The following AHCTF1 variants were observed in gnomAD, a reference collection of about 807,000 sequenced individuals.
AHCTF1 encodes AT-hook containing transcription factor 1.
AHCTF1 carries 24 observed loss-of-function variants against 248.4 expected under a neutral mutation model. The ratio of observed to expected loss-of-function variants is 0.10; its 90% CI spans 0.07 to 0.14. AHCTF1 has a LOEUF of 0.14. AHCTF1 is among the 10% of genes least tolerant of loss of function. The pLI, the probability that AHCTF1 is intolerant of heterozygous loss-of-function variation, is 1.00. For synonymous variants in AHCTF1, 786 were observed against 929.8 expected, an observed-to-expected ratio of 0.85 and a Z score of 2.81; for missense variants, 2,206 against 2,636.2, an observed-to-expected ratio of 0.84 and a Z score of 3.57.
At chr1:246,920,422 G>A (rs1666457852) in intron 1 of AHCTF1, among the ~76,000 whole-genome samples, 1 of 152,044 alleles carries the variant, frequency 6.6e-6, no homozygotes, top group South Asian at 2.1e-4. Flanking sequence ...AAAATTCAAT[G>A]GAGCAATGAG....
intron 1 of AHCTF1, among the ~76,000 whole-genome samples, chr1:246,922,802 G>T (rs537698570): frequency 6.6e-6 from 1 of 150,966 alleles, no homozygotes; most frequent in African/African-American, 2.4e-5. Flanking sequence ...ATAACACGGT[G>T]AAACCCTGTC....
chr1:246,915,627 G>A (rs544917646), intron 3 of AHCTF1, among the ~76,000 whole-genome samples: 2 of 152,116 alleles, frequency 1.3e-5, no homozygotes, highest in African/African-American at 2.4e-5. Context: ...TTATTCATTT[G>A]TCTTCTCCCA....
intron 29 of AHCTF1, 144 bp from the exon 30 acceptor site, chr1:246,857,958 T>TTTC (rs201150652): frequency 0.19 from 68,561 of 355,894 alleles, 176 homozygotes; most frequent in South Asian, 0.24. Context: ...CTGCTAACAC[T>TTTC]TTCTTCTTTT....
chr1:246,842,886 C>A, intron 34 of AHCTF1, 110 bp from the exon 35 acceptor site: 2 of 902,182 alleles, frequency 2.2e-6, no homozygotes, highest in African/African-American at 1.7e-5. Flanking sequence ...TTCAAACTCG[C>A]CAAATGCAAA....
Position 246,853,122 on chromosome 1 carries a change from G to A in AHCTF1, c.4532C>T (p.Ser1511Phe). The change falls in exon 32 of 36, where the codon TCT (serine) becomes TTT (phenylalanine). Residue 1511 changes from serine to phenylalanine, a missense_variant. Coordinates refer to ENST00000648844, the MANE Select transcript of AHCTF1 (RefSeq NM_001323342.2). The part of the protein sequence containing the change: ...VDLPEEKLPI[S>F]DSPPDTQEIH... ...TTCTTGAGTATCAGGAGGGCTGTCA[G>A]AAATTGGAAGCTTTTCTTCTGGTAA... 6.2e-7 allele frequency: 1 copy of A among 1,609,814 alleles called. No homozygotes were observed. The highest frequency in any genetic ancestry group is 8.5e-7 in the Non-Finnish European group (1 of 1,178,596).
chr1:246,844,399 C>A (rs2103029729), intron 33 of AHCTF1, among the ~76,000 whole-genome samples: 2 of 152,222 alleles, frequency 1.3e-5, no homozygotes, highest in Middle Eastern at 3.4e-3. Context: ...CTTGTTCCAG[C>A]CAAAGGAACA....
chr1:246,843,727 A>C, intron 34 of AHCTF1, 68 bp downstream of exon 34: 1 of 1,006,158 alleles, frequency 9.9e-7, no homozygotes, highest in Non-Finnish European at 1.3e-6. Flanking sequence ...AAATAATTTT[A>C]TTAAAACATT....
rs78952582 is a variant in AHCTF1, at chr1:246,928,738, T to C, written c.-8+2840A>G. 3.4e-4 allele frequency among the ~76,000 whole-genome samples: 52 copies of C among 152,330 alleles called. No homozygotes were observed. The East Asian group carries it at 5.2e-3, about 15-fold the overall frequency. On this transcript the variant is annotated intron_variant, in intron 1 of 35. Transcript: ENST00000648844. ...ACTCTAATCTAGTTCAACAATTATA[T>C]TGCAACATGTACCAAGCAAACATTT...
intron 16 of AHCTF1, among the ~76,000 whole-genome samples, 169 bp from the exon 17 acceptor site, chr1:246,890,228 C>A (rs1393247663): frequency 3.3e-5 from 5 of 152,126 alleles, no homozygotes; most frequent in African/African-American, 1.2e-4. Context: ...TTTACAGAGG[C>A]ACAAGTGAGA....
intron 1 of AHCTF1, among the ~76,000 whole-genome samples, chr1:246,927,855 T>G (rs1667052191): frequency 6.9e-6 from 1 of 144,772 alleles, no homozygotes; most frequent in Non-Finnish European, 1.5e-5. Flanking sequence ...ATACAAAAAT[T>G]AGCTGGGCGC....
At chr1:246,895,408 G>T (rs1367573360) in intron 13 of AHCTF1, among the ~76,000 whole-genome samples, 1 of 152,122 alleles carries the variant, frequency 6.6e-6, no homozygotes, top group Non-Finnish European at 1.5e-5. Flanking sequence ...ATATGCGTTT[G>T]GGGTGTGTGT....
At chr1:246,870,110 A>G (rs1662472785) in intron 24 of AHCTF1, among the ~76,000 whole-genome samples, 1 of 152,184 alleles carries the variant, frequency 6.6e-6, no homozygotes, top group African/African-American at 2.4e-5. Flanking sequence ...GGAGAAAACA[A>G]CTGCAGATAT....
intron 13 of AHCTF1, 151 bp downstream of exon 13, chr1:246,895,684 T>C (rs1019761195): frequency 9.7e-6 from 6 of 615,864 alleles, no homozygotes; most frequent in Admixed American, 3.1e-5. Flanking sequence ...GCAAACGTGC[T>C]AAAGGGGGTG....
At position 246,840,069 on chromosome 1, in the gene AHCTF1, A is replaced by G. The variant is rs145568373; in HGVS notation, c.*737T>C. 2,579 of 152,732 alleles carry G rather than the reference A, an allele frequency of 0.017. 54 individuals carry two copies. Among genetic ancestry groups the G allele is most frequent in the Non-Finnish European group, 0.023 (1,553 of 68,024 alleles). 9.5% of individuals were successfully genotyped at this position (152,732 alleles called of 1,614,324 possible). On this transcript the variant is annotated 3_prime_UTR_variant, in exon 36 of 36. Coordinates refer to ENST00000648844, the MANE Select transcript of AHCTF1 (RefSeq NM_001323342.2). ...AGATGCACTCAATATCCATAAACAG[A>G]TTTATTTTACATTTCCCTTTGTCAA...
chr1:246,856,879 G>C (rs900282244), intron 30 of AHCTF1, among the ~76,000 whole-genome samples: 1 of 152,112 alleles, frequency 6.6e-6, no homozygotes, highest in Non-Finnish European at 1.5e-5. Context: ...ATAAAGTAAC[G>C]AACCATTTAT....
chr1:246,841,088 G>C, intron 35 of AHCTF1, 90 bp from the exon 36 acceptor site: 1 of 1,124,384 alleles, frequency 8.9e-7, no homozygotes, highest in South Asian at 1.6e-5. Context: ...AAACCTTAGG[G>C]ACTGCTTAGT....
At chr1:246,873,803 T>C (rs1662761936) in intron 24 of AHCTF1, among the ~76,000 whole-genome samples, 1 of 152,224 alleles carries the variant, frequency 6.6e-6, no homozygotes, top group African/African-American at 2.4e-5. Context: ...AAGCTCCCCT[T>C]TCCTGCAGTT....
chr1:246,844,831 G>T (rs1374826115), intron 33 of AHCTF1, among the ~76,000 whole-genome samples: 1 of 149,994 alleles, frequency 6.7e-6, no homozygotes, highest in African/African-American at 2.5e-5. Context: ...TAACTATAGG[G>T]CCCCCATATT....
At chr1:246,851,566 C>T in intron 32 of AHCTF1, 124 bp from the exon 33 acceptor site, 1 of 819,246 alleles carries the variant, frequency 1.2e-6, no homozygotes. Flanking sequence ...TTTAATATGG[C>T]ATATACTTAT....
Sources: gnomAD v4.1 joint callset for allele counts (sites outside exome capture counted in the v4.1 genomes callset) on GRCh38, gnomAD v4.1.1 for gene constraint, MANE v1.5 for transcripts, NCBI Gene and HGNC (gene_info 2026-07-23, HGNC 2026-07-21) for gene names.